Variants in SPTBN1 observed in about 807,000 individuals in gnomAD.
SPTBN1 encodes the protein spectrin beta, non-erythrocytic 1.
In SPTBN1, 32 loss-of-function variants were observed where a neutral mutation model predicts 266.4. The observed-to-expected ratio is 0.12, with a 90% confidence interval of 0.09 to 0.16. The LOEUF (loss-of-function observed/expected upper bound fraction) is 0.16. Among genes scored for constraint, SPTBN1 ranks in the 10% least tolerant of loss-of-function variants. The pLI is 1.00. For missense variants in SPTBN1, 2,296 were observed against 3,067.1 expected, an observed-to-expected ratio of 0.75 and a Z score of 5.94; for synonymous variants, 1,336 against 1,162.2, an observed-to-expected ratio of 1.15 and a Z score of -3.04.
chr2:54,473,535 C>A (rs1379142182), intron 1 of SPTBN1, among the ~76,000 whole-genome samples: 1 of 151,636 alleles, frequency 6.6e-6, no homozygotes, highest in Non-Finnish European at 1.5e-5. Context: ...CACACACATA[C>A]ACACACATCC....
At chr2:54,607,672 A>G (rs1197960516) in intron 3 of SPTBN1, among the ~76,000 whole-genome samples, 1 of 152,228 alleles carries the variant, frequency 6.6e-6, no homozygotes, top group Non-Finnish European at 1.5e-5. Flanking sequence ...TGCATAGGTT[A>G]TATCAAATAC....
chr2:54,593,267 A>G (rs1030469669), intron 2 of SPTBN1, among the ~76,000 whole-genome samples: 3 of 152,098 alleles, frequency 2.0e-5, no homozygotes, highest in Non-Finnish European at 4.4e-5. Context: ...CGGGGCTCCA[A>G]GGTCATTTTG....
intron 2 of SPTBN1, among the ~76,000 whole-genome samples, chr2:54,538,466 T>C: frequency 6.6e-6 from 1 of 152,240 alleles, no homozygotes; most frequent in East Asian, 1.9e-4. Flanking sequence ...TTTTGGGGAA[T>C]AGACAATGTG....
At chr2:54,641,359 A>AT (rs1245732984) in intron 18 of SPTBN1, among the ~76,000 whole-genome samples, 1 of 152,174 alleles carries the variant, frequency 6.6e-6, no homozygotes, top group Non-Finnish European at 1.5e-5. Flanking sequence ...AAATATGTGA[A>AT]TGTCCTTGGC....
chr2:54,479,511 G>A (rs1389942802), intron 1 of SPTBN1, among the ~76,000 whole-genome samples: 1 of 152,110 alleles, frequency 6.6e-6, no homozygotes, highest in Non-Finnish European at 1.5e-5. Flanking sequence ...TCCAAACTAG[G>A]TAATTTATGA....
At chr2:54,658,905 C>T (rs1053992045) in intron 30 of SPTBN1, among the ~76,000 whole-genome samples, 1 of 152,164 alleles carries the variant, frequency 6.6e-6, no homozygotes, top group Non-Finnish European at 1.5e-5. Context: ...TAAACCCAAG[C>T]TCCCAGGGGT....
At chr2:54,531,010 AGG>A in intron 2 of SPTBN1, among the ~76,000 whole-genome samples, 1 of 151,914 alleles carries the variant, frequency 6.6e-6, no homozygotes, top group Middle Eastern at 3.4e-3. Context: ...TGGTGTAGGT[AGG>A]GTGGGGTGCC....
At chr2:54,660,475 T>C (rs1572776176) in intron 32 of SPTBN1, 3 of 993,532 alleles carry the variant, frequency 3.0e-6, no homozygotes, top group Non-Finnish European at 3.6e-6. Flanking sequence ...ACAGATGTTA[T>C]TAACCTATAG....
At chr2:54,522,561 G>A (rs776202409) in intron 1 of SPTBN1, among the ~76,000 whole-genome samples, 1 of 151,322 alleles carries the variant, frequency 6.6e-6, no homozygotes, top group African/African-American at 2.4e-5. Context: ...AACCTGGGAG[G>A]TGGAGGTTGT....
chr2:54,480,381 G>C (rs1482081007), intron 1 of SPTBN1, among the ~76,000 whole-genome samples: 1 of 152,174 alleles, frequency 6.6e-6, no homozygotes, highest in East Asian at 1.9e-4. Context: ...CAAAAAAGAA[G>C]CCAGAATGCC....
rs1671861429 is a variant in SPTBN1, at chr2:54,540,337, C to T, written c.148+13771C>T. Among the ~76,000 whole-genome samples, 1 of 152,152 alleles carries T rather than the reference C, an allele frequency of 6.6e-6. No homozygotes were observed. Among genetic ancestry groups the T allele is most frequent in the African/African-American group, 2.4e-5 (1 of 41,422 alleles). ...TCTGGCAGTGTCTGTATGATGTTAACATGCTGCAATGTTAACTTGGTAGAG... is the reference window on the plus strand; with the variant it reads ...TCTGGCAGTGTCTGTATGATGTTAATATGCTGCAATGTTAACTTGGTAGAG... On this transcript the variant is annotated intron_variant, in intron 2 of 35. Coordinates refer to ENST00000356805, the MANE Select transcript of SPTBN1 (RefSeq NM_003128.3). The surrounding 1 kb of genome is among the most constrained non-coding windows in gnomAD (Gnocchi z 5.6).
At position 54,558,222 on chromosome 2, in the gene SPTBN1, G is replaced by C; in HGVS notation, c.148+31656G>C. On this transcript the variant is annotated intron_variant, in intron 2 of 35. Transcript: ENST00000356805. This position sits in a 1 kb window ranked among gnomAD's most constrained non-coding sequence, Gnocchi z 4.6. ...GCTGGGGCGACCGCGGACCGTGCGG[G>C]ACCGGTAGGGGGTCGCGGGCCGGCT... The C allele has an allele frequency of 1.0e-6, 1 of 985,388 alleles. No homozygotes were observed. The highest frequency in any genetic ancestry group is 1.2e-6 in the Non-Finnish European group (1 of 829,910). 61.0% of individuals were successfully genotyped at this position (985,388 alleles called of 1,614,324 possible). A position where few individuals can be genotyped will look rare whatever the true frequency, so the allele number is the denominator to read the frequency against.
chr2:54,571,723 C>G (rs922276130), intron 2 of SPTBN1, among the ~76,000 whole-genome samples: 12 of 152,006 alleles, frequency 7.9e-5, no homozygotes, highest in Non-Finnish European at 1.6e-4. Context: ...TCTCTGTATT[C>G]CTTCTTAGGG....
At chr2:54,661,101 A>G in intron 32 of SPTBN1, 1 of 985,382 alleles carries the variant, frequency 1.0e-6, no homozygotes, top group Non-Finnish European at 1.2e-6. Flanking sequence ...TCCACTGTAC[A>G]TCTTGGATTA....
chr2:54,598,024 G>C (rs1489653716), intron 2 of SPTBN1, among the ~76,000 whole-genome samples: 1 of 152,100 alleles, frequency 6.6e-6, no homozygotes, highest in Non-Finnish European at 1.5e-5. Context: ...GAGTAAGAGT[G>C]GTTGGGTCCA....
chr2:54,461,382 A>G (rs575163527), intron 1 of SPTBN1, among the ~76,000 whole-genome samples: 11 of 151,980 alleles, frequency 7.2e-5, no homozygotes, highest in African/African-American at 2.7e-4. Flanking sequence ...TTTTTTTGCT[A>G]TTGTGAAAGG....
chr2:54,618,381 C>T (rs1038754618), intron 7 of SPTBN1, among the ~76,000 whole-genome samples, 188 bp downstream of exon 7: 4 of 152,152 alleles, frequency 2.6e-5, no homozygotes, highest in Admixed American at 2.0e-4. Context: ...AAGATGAATA[C>T]GATTTAAACA....
chr2:54,585,047 G>A (rs1573469631), intron 2 of SPTBN1, among the ~76,000 whole-genome samples: 2 of 152,304 alleles, frequency 1.3e-5, no homozygotes, highest in African/African-American at 4.8e-5. Flanking sequence ...ACTGCAAGAG[G>A]TTTACATTTC....
intron 2 of SPTBN1, among the ~76,000 whole-genome samples, chr2:54,564,079 A>G (rs1387443554): frequency 6.6e-6 from 1 of 152,230 alleles, no homozygotes; most frequent in Non-Finnish European, 1.5e-5. Flanking sequence ...GGCATGGAAG[A>G]TTAATGTGTT....
Sources: gnomAD v4.1 joint callset for allele counts (sites outside exome capture counted in the v4.1 genomes callset) on GRCh38, gnomAD v4.1.1 for gene constraint, Gnocchi (gnomAD v3.1) non-coding constraint, MANE v1.5 for transcripts, NCBI Gene and HGNC (gene_info 2026-07-23, HGNC 2026-07-21) for gene names.